Variants in ADAMTSL1 observed in about 807,000 individuals in gnomAD.
The protein encoded by ADAMTSL1 is ADAMTS like 1.
In ADAMTSL1, 126 loss-of-function variants were observed where a neutral mutation model predicts 201.8. That is an observed-to-expected ratio of 0.62 (90% CI 0.54 to 0.72). ADAMTSL1 has a LOEUF of 0.72. ADAMTSL1 is among the 30% of genes least tolerant of loss of function. The probability of loss-of-function intolerance (pLI) is 0.00; values close to 1 mark genes in which losing one functional copy is unlikely to be tolerated. For missense variants in ADAMTSL1, 2,679 were observed against 2,277.8 expected, an observed-to-expected ratio of 1.18 and a Z score of -3.59; for synonymous variants, 1,121 against 903.4, an observed-to-expected ratio of 1.24 and a Z score of -4.32.
At chr9:18,811,867 A>T (rs1377325293) in intron 20 of ADAMTSL1, among the ~76,000 whole-genome samples, 1 of 152,116 alleles carries the variant, frequency 6.6e-6, no homozygotes, top group Non-Finnish European at 1.5e-5. Flanking sequence ...TCAAAAGAAA[A>T]CCAAAATAAT....
intron 2 of ADAMTSL1, among the ~76,000 whole-genome samples, chr9:18,298,400 A>T (rs951970216): frequency 3.3e-5 from 5 of 152,174 alleles, no homozygotes; most frequent in Non-Finnish European, 7.3e-5. Flanking sequence ...CCAAAATGAA[A>T]GGAAGGAGGA....
intron 2 of ADAMTSL1, among the ~76,000 whole-genome samples, chr9:18,273,226 G>T (rs2383069): frequency 0.48 from 73,065 of 151,958 alleles, 18,012 homozygotes; most frequent in South Asian, 0.55. Context: ...ACTACAGGCA[G>T]GCACCACCAT....
intron 2 of ADAMTSL1, among the ~76,000 whole-genome samples, chr9:18,376,297 A>G (rs1352732435): frequency 2.0e-5 from 3 of 152,154 alleles, no homozygotes; most frequent in African/African-American, 7.2e-5. Context: ...TAAGATATGT[A>G]CACAGATATG....
chr9:18,777,340 G>GAC lies in ADAMTSL1; in HGVS notation c.3111_3112insAC (p.Leu1038ThrfsTer36). On this transcript the variant is annotated frameshift_variant, in exon 19 of 29. Coordinates refer to ENST00000380548, the MANE Select transcript of ADAMTSL1 (RefSeq NM_001040272.6). LOFTEE classifies it high-confidence loss of function. ...TGGAGCAGGGCGGCTGGCCCGGAGA[G>GAC]CTGCTGGCCTCGTGGGAGGCGCAGG... 10 of 1,602,016 alleles carry GAC rather than the reference G, an allele frequency of 6.2e-6. No individual in the cohort carries two copies. Among genetic ancestry groups the GAC allele is most frequent in the Non-Finnish European group, 8.5e-6 (10 of 1,174,674 alleles).
Position 18,680,314 on chromosome 9 carries a change from G to A in ADAMTSL1, c.1139G>A (p.Trp380Ter). ...PYDLYHPLPR[W>*]EATPWTACSS... ...GATGACTCCCCTTGCTTCTGTAGGTGGGAGGCCACCCCATGGACCGCGTGC... is the reference window on the plus strand; with the variant it reads ...GATGACTCCCCTTGCTTCTGTAGGTAGGAGGCCACCCCATGGACCGCGTGC... The change falls in exon 11 of 29, where the codon TGG (tryptophan) becomes TAG (stop). Residue 380 changes from tryptophan (W) to a stop codon, truncating the protein, a stop_gained and splice_region_variant. Coordinates refer to ENST00000380548, the MANE Select transcript of ADAMTSL1 (RefSeq NM_001040272.6). LOFTEE classifies it high-confidence loss of function. 6.2e-7 allele frequency: 1 copy of A among 1,613,942 alleles called. No individual in the cohort carries two copies. The highest frequency in any genetic ancestry group is 8.5e-7 in the Non-Finnish European group (1 of 1,179,956).
At chr9:17,989,280 C>T (rs538102274) in intron 1 of ADAMTSL1, among the ~76,000 whole-genome samples, 3 of 151,472 alleles carry the variant, frequency 2.0e-5, no homozygotes, top group African/African-American at 7.3e-5. Flanking sequence ...TTTAAATAAG[C>T]AGATTGTACT....
chr9:17,938,111 T>C (rs1314151064), intron 1 of ADAMTSL1, among the ~76,000 whole-genome samples: 8 of 152,094 alleles, frequency 5.3e-5, no homozygotes, highest in Non-Finnish European at 1.2e-4. Context: ...AAAGTCCAAA[T>C]GTTTGAATTA....
chr9:18,688,201 G>A (rs1342546861), intron 13 of ADAMTSL1, among the ~76,000 whole-genome samples: 2 of 151,216 alleles, frequency 1.3e-5, no homozygotes, highest in African/African-American at 4.9e-5. Flanking sequence ...TCGGCTCACT[G>A]CAATCTCTAC....
chr9:18,483,696 G>A (rs1821843942), intron 1 of ADAMTSL1, among the ~76,000 whole-genome samples: 2 of 152,058 alleles, frequency 1.3e-5, no homozygotes, highest in African/African-American at 2.4e-5. Context: ...GCATGGTGGC[G>A]GGTGCCTGTA....
intron 1 of ADAMTSL1, among the ~76,000 whole-genome samples, chr9:18,087,811 G>C (rs1823832145): frequency 6.6e-6 from 1 of 152,052 alleles, no homozygotes; most frequent in Non-Finnish European, 1.5e-5. Flanking sequence ...AAGGTTCTTG[G>C]TCTTTTGCAA....
rs771483233 is a variant in ADAMTSL1, at chr9:18,777,878, A to G, written c.3649A>G (p.Asn1217Asp). The G allele has an allele frequency of 8.3e-6, 13 of 1,557,034 alleles. No individual in the cohort carries two copies. Among genetic ancestry groups the G allele is most frequent in the Non-Finnish European group, 1.0e-5 (12 of 1,147,888 alleles). ...AAGGCCTACCATCAGCTGGGCCAGG[A>G]ATGGAGAAGAAGTTCAGTTCAGTGA... ...HPRPTISWAR[N>D]GEEVQFSDRI... The change falls in exon 19 of 29, where the codon AAT becomes GAT. Residue 1217 changes from asparagine to aspartate, a missense_variant. Coordinates refer to ENST00000380548, the MANE Select transcript of ADAMTSL1 (RefSeq NM_001040272.6).
intron 23 of ADAMTSL1, among the ~76,000 whole-genome samples, chr9:18,861,642 G>A (rs1239693849): frequency 6.6e-6 from 1 of 152,212 alleles, no homozygotes; most frequent in African/African-American, 2.4e-5. Flanking sequence ...TCACACTGAT[G>A]CTGTGACGTT....
At chr9:18,065,734 A>C (rs979819137) in intron 1 of ADAMTSL1, among the ~76,000 whole-genome samples, 6 of 152,120 alleles carry the variant, frequency 3.9e-5, no homozygotes, top group Non-Finnish European at 7.4e-5. Flanking sequence ...TAATCCCAGC[A>C]CTTTGGGAGG....
At chr9:18,159,541 A>G (rs573295547) in intron 1 of ADAMTSL1, among the ~76,000 whole-genome samples, 1 of 152,144 alleles carries the variant, frequency 6.6e-6, no homozygotes, top group South Asian at 2.1e-4. Context: ...TAAACATTAC[A>G]ATTTTTATAG....
chr9:18,059,903 C>T (rs1822374290), intron 1 of ADAMTSL1, among the ~76,000 whole-genome samples: 1 of 151,838 alleles, frequency 6.6e-6, no homozygotes, highest in African/African-American at 2.4e-5. Context: ...TTTCTGTTGA[C>T]TCAAAAGTCC....
intron 22 of ADAMTSL1, among the ~76,000 whole-genome samples, chr9:18,826,958 A>T (rs1243696788): frequency 6.6e-6 from 1 of 152,158 alleles, no homozygotes. Flanking sequence ...ACCCCTAAAC[A>T]TAAGAACCCC....
chr9:18,427,285 C>T (rs1396813144), intron 2 of ADAMTSL1, among the ~76,000 whole-genome samples: 3 of 152,190 alleles, frequency 2.0e-5, no homozygotes, highest in East Asian at 3.9e-4. Flanking sequence ...TGCTGAATTG[C>T]TGAAAAGGGA....
intron 1 of ADAMTSL1, among the ~76,000 whole-genome samples, chr9:18,125,874 G>A (rs368976216): frequency 3.3e-5 from 5 of 152,160 alleles, no homozygotes; most frequent in African/African-American, 1.2e-4. Context: ...ACTAAATCTG[G>A]CAGTATGCTG....
intron 1 of ADAMTSL1, among the ~76,000 whole-genome samples, chr9:18,052,315 C>A (rs1214527512): frequency 6.6e-6 from 1 of 152,180 alleles, no homozygotes; most frequent in Non-Finnish European, 1.5e-5. Flanking sequence ...AAAGAATGAG[C>A]TACTAAGCTA....
Sources: allele counts gnomAD v4.1 joint callset (sites outside exome capture counted in the v4.1 genomes callset), GRCh38; gene constraint gnomAD v4.1.1; transcripts MANE v1.5; gene names NCBI Gene and HGNC (gene_info 2026-07-23, HGNC 2026-07-21).